The following MTHFS variants were observed in gnomAD, a reference collection of about 807,000 sequenced individuals.
MTHFS encodes methenyltetrahydrofolate synthetase, also known as 5-formyltetrahydrofolate cyclo-ligase.
MTHFS carries 7 observed loss-of-function variants against 12.7 expected under a neutral mutation model. The ratio of observed to expected loss-of-function variants is 0.55; its 90% CI spans 0.31 to 1.03. MTHFS has a LOEUF of 1.03. Among genes scored for constraint, MTHFS ranks in the 50% least tolerant of loss-of-function variants. MTHFS has a pLI of 0.05. For synonymous variants in MTHFS, 100 were observed against 97.1 expected, an observed-to-expected ratio of 1.03 and a Z score of -0.18; for missense variants, 252 against 258.1, an observed-to-expected ratio of 0.98 and a Z score of 0.16.
chr15:79,875,626 G>GAA (rs1268880553), intron 2 of MTHFS, among the ~76,000 whole-genome samples: 3 of 151,954 alleles, frequency 2.0e-5, no homozygotes, highest in Admixed American at 6.6e-5. Context: ...AAAACTCTTA[G>GAA]AAAAAAACGG....
intron 2 of MTHFS, among the ~76,000 whole-genome samples, chr15:79,858,579 C>T (rs1258774352): frequency 6.6e-6 from 1 of 152,112 alleles, no homozygotes; most frequent in Non-Finnish European, 1.5e-5. Flanking sequence ...TTCAGATAAT[C>T]CCCTATGTGC....
At chr15:79,886,541 T>C (rs529398410) in intron 2 of MTHFS, among the ~76,000 whole-genome samples, 2 of 152,056 alleles carry the variant, frequency 1.3e-5, no homozygotes, top group African/African-American at 4.8e-5. Flanking sequence ...CATAAATAAA[T>C]ACTATAGAGG....
intron 2 of MTHFS, among the ~76,000 whole-genome samples, chr15:79,883,635 C>T (rs147090362): frequency 3.3e-5 from 5 of 152,230 alleles, no homozygotes; most frequent in African/African-American, 1.2e-4. Context: ...CTGTTAATAA[C>T]TGCCATGTAT....
intron 2 of MTHFS, among the ~76,000 whole-genome samples, chr15:79,856,839 T>C (rs1455034987): frequency 1.3e-5 from 2 of 152,102 alleles, no homozygotes; most frequent in African/African-American, 2.4e-5. Context: ...GGGCAGTCCA[T>C]CCTATGCTCA....
chr15:79,867,620 A>T (rs1000346053), intron 2 of MTHFS, among the ~76,000 whole-genome samples: 3 of 152,074 alleles, frequency 2.0e-5, no homozygotes, highest in African/African-American at 7.2e-5. Context: ...ATAAAAAAAA[A>T]AAACCAACAG....
At chr15:79,865,641 A>G (rs2033996590) in intron 2 of MTHFS, among the ~76,000 whole-genome samples, 1 of 152,212 alleles carries the variant, frequency 6.6e-6, no homozygotes, top group African/African-American at 2.4e-5. Flanking sequence ...AGACCACCTC[A>G]GCCCTCATCC....
chr15:79,868,417 G>A (rs2034048448), intron 2 of MTHFS, among the ~76,000 whole-genome samples: 1 of 152,154 alleles, frequency 6.6e-6, no homozygotes, highest in Non-Finnish European at 1.5e-5. Context: ...GAGAAATATA[G>A]CACGTACTAT....
At chr15:79,897,263 G>C (rs1240885179), upstream of MTHFS, 1 of 455,110 alleles carries the variant, frequency 2.2e-6, no homozygotes, top group Non-Finnish European at 3.8e-6. Context: ...CTGCCCTGCC[G>C]CCTGACCTCC....
At chr15:79,851,407 C>T (rs542855983) in intron 2 of MTHFS, among the ~76,000 whole-genome samples, 4 of 152,276 alleles carry the variant, frequency 2.6e-5, no homozygotes, top group South Asian at 2.1e-4. Flanking sequence ...AATGAGTAGT[C>T]CCCTTGCTGT....
chr15:79,862,236 T>C (rs948008884), intron 2 of MTHFS, among the ~76,000 whole-genome samples: 3 of 152,186 alleles, frequency 2.0e-5, no homozygotes, highest in Non-Finnish European at 4.4e-5. Flanking sequence ...CACATAAATA[T>C]GCCTCCTTCC....
At position 79,850,506 on chromosome 15, in the gene MTHFS, A is replaced by G. The variant is rs137892932; in HGVS notation, c.380-5064T>C. The stretch of plus-strand genomic sequence containing the variant: ...AGCCAAAGACAAATGTAAATGAATG[A>G]GTGTGGCTGTGTCCTGATAACATGT... On this transcript the variant is annotated intron_variant, in intron 2 of 2. Transcript: ENST00000258874. Among the ~76,000 whole-genome samples the G allele has an allele frequency of 3.0e-3, 452 of 152,276 alleles. 5 individuals are homozygous for G. Among genetic ancestry groups the G allele is most frequent in the African/African-American group, 0.011 (438 of 41,562 alleles).
chr15:79,874,503 C>T (rs1305439377), intron 2 of MTHFS, among the ~76,000 whole-genome samples: 1 of 152,152 alleles, frequency 6.6e-6, no homozygotes, highest in Non-Finnish European at 1.5e-5. Context: ...TGAAAAGGTG[C>T]ATTGTCAGGT....
intron 2 of MTHFS, among the ~76,000 whole-genome samples, chr15:79,882,995 C>T (rs575225657): frequency 6.6e-6 from 1 of 152,292 alleles, no homozygotes; most frequent in East Asian, 1.9e-4. Flanking sequence ...TGCTTGAGGC[C>T]AGGAGTTCAA....
At chr15:79,874,912 G>A (rs1566994143) in intron 2 of MTHFS, among the ~76,000 whole-genome samples, 2 of 151,984 alleles carry the variant, frequency 1.3e-5, no homozygotes, top group African/African-American at 4.8e-5. Context: ...TTTTTTCAAG[G>A]TGCCCAGATT....
chr15:79,855,148 C>T (rs2033777710), intron 2 of MTHFS, among the ~76,000 whole-genome samples: 1 of 152,078 alleles, frequency 6.6e-6, no homozygotes, highest in African/African-American at 2.4e-5. Context: ...CCTGCCAATC[C>T]CTACTTTACA....
chr15:79,869,375 A>G (rs2034065292), intron 2 of MTHFS, among the ~76,000 whole-genome samples: 1 of 151,720 alleles, frequency 6.6e-6, no homozygotes, highest in African/African-American at 2.4e-5. Flanking sequence ...TGCTGCATCT[A>G]TAATATAAAA....
At chr15:79,861,024 G>A (rs1324672833) in intron 2 of MTHFS, among the ~76,000 whole-genome samples, 1 of 152,068 alleles carries the variant, frequency 6.6e-6, no homozygotes, top group African/African-American at 2.4e-5. Flanking sequence ...CTTAGCACCA[G>A]GACTGAAATC....
intron 2 of MTHFS, 135 bp downstream of exon 2, chr15:79,888,958 T>A: frequency 7.5e-7 from 1 of 1,339,346 alleles, no homozygotes; most frequent in Non-Finnish European, 1.0e-6. Context: ...GTAATACAGG[T>A]GTCTTGGAAC....
chr15:79,860,246 G>A (rs924674617), intron 2 of MTHFS, among the ~76,000 whole-genome samples: 5 of 151,910 alleles, frequency 3.3e-5, no homozygotes, highest in African/African-American at 4.8e-5. Context: ...AAAATTAGCC[G>A]GGTGTGGTGT....
Sources: allele counts gnomAD v4.1 joint callset (sites outside exome capture counted in the v4.1 genomes callset), GRCh38; gene constraint gnomAD v4.1.1; transcripts MANE v1.5; gene names NCBI Gene and HGNC (gene_info 2026-07-23, HGNC 2026-07-21).